OR6N1: variants seen among roughly 807,000 people sequenced by gnomAD.
The protein encoded by OR6N1 is olfactory receptor 6N1.
For synonymous variants in OR6N1, 170 were observed against 150.7 expected, an observed-to-expected ratio of 1.13 and a Z score of -0.94; for missense variants, 394 against 371.7, an observed-to-expected ratio of 1.06 and a Z score of -0.49.
the OR6N1 span, among the ~76,000 whole-genome samples, chr1:158,787,067 G>A: frequency 6.6e-6 from 1 of 152,130 alleles, no homozygotes; most frequent in Admixed American, 6.5e-5. Flanking sequence ...TGTGAGGCCT[G>A]GGAGAGGTGT....
chr1:158,813,452 G>C, the OR6N1 span, among the ~76,000 whole-genome samples: 1 of 151,956 alleles, frequency 6.6e-6, no homozygotes, highest in Non-Finnish European at 1.5e-5. Flanking sequence ...AAAATGAGGA[G>C]GCACCTTCTT....
chr1:158,815,062 G>A, the OR6N1 span, among the ~76,000 whole-genome samples: 4 of 152,100 alleles, frequency 2.6e-5, no homozygotes, highest in Non-Finnish European at 5.9e-5. Context: ...TAGAAGAAGG[G>A]ACCCTAAAAG....
chr1:158,806,238 C>T, the OR6N1 span, among the ~76,000 whole-genome samples: 1 of 152,248 alleles, frequency 6.6e-6, no homozygotes, highest in East Asian at 1.9e-4. Flanking sequence ...ATTTGGGAAA[C>T]AGCATAGACT....
the OR6N1 span, among the ~76,000 whole-genome samples, chr1:158,781,885 A>G: frequency 2.6e-5 from 4 of 152,336 alleles, no homozygotes; most frequent in African/African-American, 9.6e-5. Flanking sequence ...TACTCTGTGA[A>G]GTTGGTGTGA....
At chr1:158,777,866 T>C in the OR6N1 span, among the ~76,000 whole-genome samples, 5 of 152,242 alleles carry the variant, frequency 3.3e-5, no homozygotes, top group Admixed American at 2.6e-4. Flanking sequence ...TTTACTTAAT[T>C]TTTATACTTC....
chr1:158,784,409 T>C, the OR6N1 span, among the ~76,000 whole-genome samples: 1 of 152,320 alleles, frequency 6.6e-6, no homozygotes, highest in Admixed American at 6.5e-5. Flanking sequence ...ATTTGTAACA[T>C]TTCTTTATGG....
rs1268746943 is a variant in OR6N1, at chr1:158,764,353, TTAATTA to T, written c.*1385_*1390del. ...TTAATACTACTTCCCACAATTATAA[TTAATTA>T]TAACTAATTATAAATTAATTATAAT... On this transcript the variant is annotated 3_prime_UTR_variant, in exon 2 of 2. Transcript: ENST00000641846. 13 of 151,414 alleles carry T rather than the reference TTAATTA, an allele frequency of 8.6e-5. No homozygotes were observed. In the East Asian group the frequency reaches 2.5e-3, roughly 29 times the overall value. The allele number at this position is 151,414 out of a possible 1,614,324, so 9.4% of individuals were successfully genotyped here.
At position 158,766,185 on chromosome 1, in the gene OR6N1, G is replaced by A; in HGVS notation, c.498C>T (p.Leu166=). The change falls in exon 2 of 2, where the codon CTC becomes CTT. Residue 166 remains leucine (L), a synonymous_variant. Coordinates refer to ENST00000641846, the MANE Select transcript of OR6N1 (RefSeq NM_001005185.2). Reference sequence around the variant, plus strand: ...GAATGCGATTGGGGCCACAGAATGGGAGGCGTGAAATCAAGGAAATTTCAA... The same window carrying A: ...GAATGCGATTGGGGCCACAGAATGGAAGGCGTGAAATCAAGGAAATTTCAA... ...PVVEISLISR[L]PFCGPNRIQH... 6.2e-7 allele frequency: 1 copy of A among 1,614,148 alleles called. No homozygotes were observed. Among genetic ancestry groups the A allele is most frequent in the Non-Finnish European group, 8.5e-7 (1 of 1,180,028 alleles).
chr1:158,820,985 G>C, the OR6N1 span, among the ~76,000 whole-genome samples: 1 of 152,138 alleles, frequency 6.6e-6, no homozygotes. Flanking sequence ...ATGAATACAA[G>C]TTCCTGTCTA....
At chr1:158,789,972 CT>C in the OR6N1 span, among the ~76,000 whole-genome samples, 1 of 152,152 alleles carries the variant, frequency 6.6e-6, no homozygotes, top group Non-Finnish European at 1.5e-5. Context: ...CATTTGAAGT[CT>C]TAGATTTAAG....
At chr1:158,776,818 G>C, upstream of OR6N1, 2 of 1,614,118 alleles carry the variant, frequency 1.2e-6, no homozygotes, top group South Asian at 2.2e-5. Context: ...TATAGCAAGT[G>C]TTCGGTCAAG....
the OR6N1 span, among the ~76,000 whole-genome samples, chr1:158,779,330 T>C: frequency 3.3e-5 from 5 of 152,184 alleles, no homozygotes; most frequent in Non-Finnish European, 7.3e-5. Context: ...ATTCTAGTTA[T>C]CATACTGACA....
At chr1:158,771,846 T>C (rs1396473891) in intron 1 of OR6N1, among the ~76,000 whole-genome samples, 175 bp downstream of exon 1, 2 of 152,256 alleles carry the variant, frequency 1.3e-5, no homozygotes, top group African/African-American at 4.8e-5. Context: ...CTCTTCACTA[T>C]AGCATTTGAA....
chr1:158,818,392 G>C, the OR6N1 span, among the ~76,000 whole-genome samples: 1 of 152,152 alleles, frequency 6.6e-6, no homozygotes, highest in Non-Finnish European at 1.5e-5. Flanking sequence ...TTTAAAAAAG[G>C]GTCAATTTTC....
At chr1:158,803,497 A>G in the OR6N1 span, among the ~76,000 whole-genome samples, 1 of 152,210 alleles carries the variant, frequency 6.6e-6, no homozygotes, top group Non-Finnish European at 1.5e-5. Flanking sequence ...AATTCTTCAA[A>G]TGAATAATTG....
At chr1:158,810,672 T>C in the OR6N1 span, among the ~76,000 whole-genome samples, 1 of 152,198 alleles carries the variant, frequency 6.6e-6, no homozygotes, top group African/African-American at 2.4e-5. Flanking sequence ...CCAACTCGTA[T>C]ATCCTTGTGT....
chr1:158,789,062 C>G, the OR6N1 span, among the ~76,000 whole-genome samples: 8 of 152,148 alleles, frequency 5.3e-5, no homozygotes, highest in Admixed American at 2.0e-4. Flanking sequence ...ATGATATCCA[C>G]TTTTTTACCT....
rs1657277263 is a variant in OR6N1 at position 158,766,538 on chromosome 1, C to T, written c.145G>A (p.Val49Ile). ...VLGNLLIFLV[V>I]CLDSRLHTPM... ...GTGTGAAGCCGGGAGTCCAGGCAGA[C>T]CACCAGGAATATCAGCAGGTTTCCC... The change falls in exon 2 of 2, where the codon GTC (valine) becomes ATC (isoleucine). Residue 49 changes from valine to isoleucine, a missense_variant. Physicochemically the swap from Val to Ile is conservative, Grantham distance 29 (BLOSUM62 3). Coordinates refer to ENST00000641846, the MANE Select transcript of OR6N1 (RefSeq NM_001005185.2). The T allele has an allele frequency of 6.2e-7, 1 of 1,614,012 alleles. No individual in the cohort carries two copies. The highest frequency in any genetic ancestry group is 8.5e-7 in the Non-Finnish European group (1 of 1,179,994).
At chr1:158,832,727 T>C in the OR6N1 span, among the ~76,000 whole-genome samples, 1 of 151,990 alleles carries the variant, frequency 6.6e-6, no homozygotes, top group Admixed American at 6.5e-5. Flanking sequence ...CTAAAAAGTC[T>C]TTCTTTAAGT....
Sources: gnomAD v4.1 joint callset for allele counts (sites outside exome capture counted in the v4.1 genomes callset) on GRCh38, gnomAD v4.1.1 for gene constraint, MANE v1.5 for transcripts, NCBI Gene and HGNC (gene_info 2026-07-23, HGNC 2026-07-21) for gene names.